Variants in GRID1 observed in about 807,000 individuals in gnomAD.
GRID1 encodes the protein glutamate ionotropic receptor delta type subunit 1.
Under a neutral mutation model 98.0 loss-of-function variants are expected in GRID1, and 28 were observed. The ratio of observed to expected loss-of-function variants is 0.29; its 90% CI spans 0.21 to 0.39. GRID1 has a LOEUF of 0.39. Ranked by LOEUF, GRID1 falls within the 10% of genes least tolerant of loss-of-function variation. The probability of loss-of-function intolerance (pLI) is 1.00; values close to 1 mark genes in which losing one functional copy is unlikely to be tolerated. For missense variants in GRID1, 1,111 were observed against 1,340.5 expected, an observed-to-expected ratio of 0.83 and a Z score of 2.67; for synonymous variants, 553 against 538.5, an observed-to-expected ratio of 1.03 and a Z score of -0.37.
chr10:86,355,084 T>C (rs1848516271), intron 2 of GRID1, among the ~76,000 whole-genome samples: 3 of 152,196 alleles, frequency 2.0e-5, no homozygotes, highest in Admixed American at 2.0e-4. Flanking sequence ...CCTCCACCTC[T>C]TCACCCAGCC....
intron 2 of GRID1, among the ~76,000 whole-genome samples, chr10:86,331,352 G>C (rs1454135071): frequency 6.6e-6 from 1 of 152,148 alleles, no homozygotes; most frequent in Non-Finnish European, 1.5e-5. Flanking sequence ...AGCCTGCAGA[G>C]CCCCCCTTCC....
At chr10:85,883,092 T>G (rs6585984) in intron 5 of GRID1, among the ~76,000 whole-genome samples, 2 of 151,878 alleles carry the variant, frequency 1.3e-5, no homozygotes, top group Non-Finnish European at 2.9e-5. Context: ...CTACCTTCCA[T>G]GTATGTTAAC....
At chr10:85,816,155 C>T (rs1842714289) in intron 8 of GRID1, among the ~76,000 whole-genome samples, 1 of 152,016 alleles carries the variant, frequency 6.6e-6, no homozygotes, top group South Asian at 2.1e-4. Flanking sequence ...TATGACATGA[C>T]CCATCAATTC....
At chr10:85,972,876 C>T (rs1426234542) in intron 4 of GRID1, among the ~76,000 whole-genome samples, 1 of 152,118 alleles carries the variant, frequency 6.6e-6, no homozygotes, top group African/African-American at 2.4e-5. Flanking sequence ...ATAAAGTCAC[C>T]AGTTTTATCA....
chr10:85,747,666 A>G (rs919988907), intron 8 of GRID1, among the ~76,000 whole-genome samples: 6 of 152,214 alleles, frequency 3.9e-5, no homozygotes, highest in Non-Finnish European at 7.3e-5. Context: ...ACAATAATAA[A>G]GCCTACACCA....
intron 2 of GRID1, among the ~76,000 whole-genome samples, chr10:86,314,785 G>A (rs532940233): frequency 2.0e-5 from 3 of 152,286 alleles, no homozygotes; most frequent in East Asian, 1.9e-4. Flanking sequence ...GGCAGGGCCC[G>A]GAATCTGAGG....
In GRID1 at chr10:85,941,003, A is replaced by G. The variant is rs550850257; in HGVS notation, c.727-24764T>C. Among the ~76,000 whole-genome samples the G allele has an allele frequency of 1.9e-3, 285 of 152,344 alleles. 3 individuals are homozygous for G. The highest frequency in any genetic ancestry group is 6.7e-3 in the African/African-American group (278 of 41,588). On this transcript the variant is annotated intron_variant, in intron 4 of 15. Coordinates refer to ENST00000327946, the MANE Select transcript of GRID1 (RefSeq NM_017551.3). ...TTCTGCTTGGGGAAGGCCAGATCAC[A>G]GGATGGGGAGACTGGAGAAGAATTG...
At chr10:85,840,407 T>C (rs149621093) in intron 8 of GRID1, among the ~76,000 whole-genome samples, 3 of 152,218 alleles carry the variant, frequency 2.0e-5, no homozygotes, top group East Asian at 3.9e-4. Context: ...GCTGGAAGCA[T>C]TCCCCTTGAA....
intron 5 of GRID1, among the ~76,000 whole-genome samples, chr10:85,900,219 C>G (rs1294592242): frequency 6.6e-6 from 1 of 152,216 alleles, no homozygotes; most frequent in African/African-American, 2.4e-5. Context: ...AAGGCAGCAG[C>G]CACGTGTGAA....
chr10:86,134,011 G>A (rs1026330614), intron 4 of GRID1, among the ~76,000 whole-genome samples: 18 of 152,232 alleles, frequency 1.2e-4, no homozygotes, highest in African/African-American at 4.3e-4. Flanking sequence ...GAAACAAAAG[G>A]AAAGAGGGAG....
intron 12 of GRID1, among the ~76,000 whole-genome samples, chr10:85,717,754 G>A (rs1485570061): frequency 6.6e-6 from 1 of 152,136 alleles, no homozygotes; most frequent in Non-Finnish European, 1.5e-5. Flanking sequence ...CTGAGACAAG[G>A]CAAGTCCCTT....
chr10:85,981,573 C>G (rs1438960608), intron 4 of GRID1, among the ~76,000 whole-genome samples: 1 of 152,210 alleles, frequency 6.6e-6, no homozygotes, highest in Admixed American at 6.5e-5. Context: ...CCCGGGCTCT[C>G]TGGCAGGCTG....
chr10:86,159,389 T>C (rs1845288744), intron 3 of GRID1, among the ~76,000 whole-genome samples: 1 of 152,206 alleles, frequency 6.6e-6, no homozygotes, highest in African/African-American at 2.4e-5. Flanking sequence ...AGTAACATCA[T>C]TACCTTTTCT....
intron 5 of GRID1, among the ~76,000 whole-genome samples, chr10:85,889,612 C>A (rs1235036672): frequency 6.6e-6 from 1 of 152,122 alleles, no homozygotes; most frequent in Admixed American, 6.5e-5. Flanking sequence ...GTTTCCATAG[C>A]TTGGCTATTG....
intron 2 of GRID1, among the ~76,000 whole-genome samples, chr10:86,338,293 T>C (rs1327384983): frequency 6.6e-6 from 1 of 152,116 alleles, no homozygotes; most frequent in East Asian, 1.9e-4. Context: ...TCTGAAGACC[T>C]CTTTCCCCTC....
chr10:85,789,268 A>G (rs927648293), intron 8 of GRID1, among the ~76,000 whole-genome samples: 1 of 152,094 alleles, frequency 6.6e-6, no homozygotes, highest in African/African-American at 2.4e-5. Flanking sequence ...GAGCCAAGAC[A>G]CCTGCCAAAG....
At chr10:86,071,018 A>C (rs2131921043) in intron 4 of GRID1, among the ~76,000 whole-genome samples, 1 of 152,348 alleles carries the variant, frequency 6.6e-6, no homozygotes, top group East Asian at 1.9e-4. Flanking sequence ...GGTGAATTTG[A>C]AAAAAGGTGG....
chr10:85,934,756 C>T (rs1427436240), intron 4 of GRID1, among the ~76,000 whole-genome samples: 1 of 152,146 alleles, frequency 6.6e-6, no homozygotes, highest in African/African-American at 2.4e-5. Flanking sequence ...ATGCCAGTCA[C>T]GCTGGCTGGG....
intron 4 of GRID1, among the ~76,000 whole-genome samples, chr10:85,978,642 T>C (rs1842505295): frequency 6.6e-6 from 1 of 151,842 alleles, no homozygotes; most frequent in Non-Finnish European, 1.5e-5. Context: ...ACTTCTTGAA[T>C]GTCTACTACA....
Sources: gnomAD v4.1 joint callset for allele counts (sites outside exome capture counted in the v4.1 genomes callset) on GRCh38, gnomAD v4.1.1 for gene constraint, MANE v1.5 for transcripts, NCBI Gene and HGNC (gene_info 2026-07-23, HGNC 2026-07-21) for gene names.